DSCAM: variants seen among roughly 807,000 people sequenced by gnomAD.
The protein encoded by DSCAM is cell adhesion molecule DSCAM.
DSCAM carries 47 observed loss-of-function variants against 217.7 expected under a neutral mutation model. The observed-to-expected ratio is 0.22, with a 90% CI of 0.17 to 0.28. The LOEUF is 0.28. DSCAM is among the 10% of genes least tolerant of loss of function. The pLI is 1.00. For missense variants in DSCAM, 2,080 were observed against 2,618.3 expected, an observed-to-expected ratio of 0.79 and a Z score of 4.49; for synonymous variants, 1,056 against 1,015.3, an observed-to-expected ratio of 1.04 and a Z score of -0.76.
At chr21:40,644,930 T>C (rs2089927078) in intron 3 of DSCAM, among the ~76,000 whole-genome samples, 1 of 152,184 alleles carries the variant, frequency 6.6e-6, no homozygotes, top group African/African-American at 2.4e-5. Flanking sequence ...ATTTTAAAAA[T>C]TGTTTTCAAG....
intron 3 of DSCAM, among the ~76,000 whole-genome samples, chr21:40,658,772 A>C (rs967349924): frequency 6.6e-6 from 1 of 152,206 alleles, no homozygotes; most frequent in African/African-American, 2.4e-5. Context: ...TTACCTAGAA[A>C]AATGAAAATG....
chr21:40,586,476 A>C (rs2076947941), intron 3 of DSCAM, among the ~76,000 whole-genome samples: 1 of 151,584 alleles, frequency 6.6e-6, no homozygotes, highest in African/African-American at 2.4e-5. Flanking sequence ...CACCCCACCC[A>C]AAGCTGTTAT....
At chr21:40,788,098 G>T (rs528006692) in intron 1 of DSCAM, among the ~76,000 whole-genome samples, 2 of 152,070 alleles carry the variant, frequency 1.3e-5, no homozygotes, top group African/African-American at 4.8e-5. Context: ...CACTTTCCTC[G>T]CCCTCTTCCA....
At chr21:40,030,936 C>A (rs1298764873) in intron 32 of DSCAM, among the ~76,000 whole-genome samples, 3 of 152,150 alleles carry the variant, frequency 2.0e-5, no homozygotes. Context: ...CACTACCCTG[C>A]AACCATCCTC....
intron 3 of DSCAM, among the ~76,000 whole-genome samples, chr21:40,536,550 C>G (rs1003792242): frequency 1.3e-5 from 2 of 152,122 alleles, no homozygotes; most frequent in East Asian, 3.9e-4. Context: ...TACAGGCGCC[C>G]ACCACCACGC....
chr21:40,282,244 A>G (rs1392452471), intron 10 of DSCAM, among the ~76,000 whole-genome samples: 1 of 152,164 alleles, frequency 6.6e-6, no homozygotes, highest in Non-Finnish European at 1.5e-5. Context: ...TCCAATACAC[A>G]CAACCTGAAA....
chr21:40,443,476 T>TGGTCTGTGTTCC (rs1272683084), intron 3 of DSCAM, among the ~76,000 whole-genome samples: 100 of 152,360 alleles, frequency 6.6e-4, no homozygotes, highest in African/African-American at 2.3e-3. Context: ...CCATTCATGG[T>TGGTCTGTGTTCC]GGTCTGTGTT....
chr21:40,503,235 G>A lies in DSCAM; in HGVS notation c.509-133990C>T, dbSNP rs545570793. On this transcript the variant is annotated intron_variant, in intron 3 of 32. Transcript: ENST00000400454. Reference sequence around the variant, plus strand: ...GGCTAAATTCAAAGAGCGCTCCACCGACCTTGGAGCTGAGGCTCCCATGCT... The same window carrying A: ...GGCTAAATTCAAAGAGCGCTCCACCAACCTTGGAGCTGAGGCTCCCATGCT... Among the ~76,000 whole-genome samples the A allele has an allele frequency of 8.8e-4, 134 of 152,296 alleles. 1 individual carries two copies. In the South Asian group the frequency reaches 0.025, roughly 28 times the overall value.
chr21:40,665,826 T>G (rs1051226639), intron 3 of DSCAM, among the ~76,000 whole-genome samples: 9 of 152,162 alleles, frequency 5.9e-5, no homozygotes, highest in Admixed American at 3.9e-4. Flanking sequence ...CCCCATCTTA[T>G]CCAGAAGACA....
chr21:40,437,659 T>C (rs753103830), intron 3 of DSCAM, among the ~76,000 whole-genome samples: 1 of 152,034 alleles, frequency 6.6e-6, no homozygotes, highest in Non-Finnish European at 1.5e-5. Context: ...GAGACCAGCC[T>C]GGCCCACATG....
intron 1 of DSCAM, among the ~76,000 whole-genome samples, chr21:40,760,852 A>T (rs1211916017): frequency 6.6e-6 from 1 of 152,060 alleles, no homozygotes; most frequent in Non-Finnish European, 1.5e-5. Context: ...ATACATCCCT[A>T]CCTTCCCAGC....
chr21:40,775,870 C>T (rs147727825), intron 1 of DSCAM, among the ~76,000 whole-genome samples: 3 of 152,152 alleles, frequency 2.0e-5, no homozygotes, highest in Admixed American at 6.5e-5. Flanking sequence ...GGTGGCGAAC[C>T]TTTGCAGTTT....
At chr21:40,559,006 C>T (rs2076694716) in intron 3 of DSCAM, among the ~76,000 whole-genome samples, 1 of 152,170 alleles carries the variant, frequency 6.6e-6, no homozygotes, top group Non-Finnish European at 1.5e-5. Context: ...GTCTGTGGCA[C>T]TCCAGAAAAC....
At chr21:40,416,534 T>C (rs2075373572) in intron 3 of DSCAM, among the ~76,000 whole-genome samples, 1 of 152,148 alleles carries the variant, frequency 6.6e-6, no homozygotes, top group African/African-American at 2.4e-5. Flanking sequence ...ACAAAGAGTT[T>C]GGAGACAAGA....
intron 11 of DSCAM, among the ~76,000 whole-genome samples, chr21:40,212,967 C>A (rs2146884591): frequency 6.6e-6 from 1 of 152,274 alleles, no homozygotes; most frequent in Middle Eastern, 3.4e-3. Flanking sequence ...TTGAGGAAGC[C>A]TCTGGAGGCT....
At chr21:40,415,495 T>C (rs1004306391) in intron 3 of DSCAM, among the ~76,000 whole-genome samples, 3 of 152,358 alleles carry the variant, frequency 2.0e-5, no homozygotes, top group Admixed American at 2.0e-4. Context: ...CTGTGCAAGA[T>C]GCTGAGGAGT....
intron 1 of DSCAM, among the ~76,000 whole-genome samples, chr21:40,797,444 A>T (rs2091701769): frequency 6.6e-6 from 1 of 152,206 alleles, no homozygotes; most frequent in African/African-American, 2.4e-5. Flanking sequence ...ATGTAGGTGG[A>T]ACAACCACTT....
intron 19 of DSCAM, among the ~76,000 whole-genome samples, chr21:40,128,916 T>C (rs1451488121): frequency 6.6e-6 from 1 of 152,166 alleles, no homozygotes; most frequent in East Asian, 1.9e-4. Context: ...TTCCACAGCA[T>C]AGAAAATAAA....
chr21:40,338,056 G>T (rs201818259), intron 8 of DSCAM, 45 bp downstream of exon 8: 59 of 1,596,872 alleles, frequency 3.7e-5, no homozygotes, highest in Non-Finnish European at 4.6e-5. Context: ...GGAAGTAGTC[G>T]GGCTATGGAA....
Sources: gnomAD v4.1 joint callset for allele counts (sites outside exome capture counted in the v4.1 genomes callset) on GRCh38, gnomAD v4.1.1 for gene constraint, MANE v1.5 for transcripts, NCBI Gene and HGNC (gene_info 2026-07-23, HGNC 2026-07-21) for gene names.